Variants in PARVA observed in about 807,000 individuals in gnomAD.
PARVA encodes the protein alpha-parvin.
PARVA carries 25 observed loss-of-function variants against 52.6 expected under a neutral mutation model. The observed-to-expected ratio is 0.48, with a 90% CI of 0.35 to 0.66. The LOEUF (loss-of-function observed/expected upper bound fraction) is 0.66, where lower values mean the gene tolerates loss of function less well. Among genes scored for constraint, PARVA ranks in the 30% least tolerant of loss-of-function variants. PARVA has a pLI of 0.01. For missense variants in PARVA, 373 were observed against 450.9 expected (o/e 0.83, Z 1.56); for synonymous variants, 185 against 179.1 (o/e 1.03, Z -0.26).
intron 1 of PARVA, among the ~76,000 whole-genome samples, chr11:12,451,055 T>A (rs1940617459): frequency 6.6e-6 from 1 of 152,210 alleles, no homozygotes; most frequent in Admixed American, 6.5e-5. Flanking sequence ...TACTCTATGT[T>A]AACCATCACA....
At chr11:12,432,163 A>G (rs922851370) in intron 1 of PARVA, among the ~76,000 whole-genome samples, 1 of 152,072 alleles carries the variant, frequency 6.6e-6, no homozygotes, top group East Asian at 1.9e-4. Flanking sequence ...TTGAGTAGTG[A>G]CTCTTTTTTC....
At chr11:12,519,631 A>G (rs992263706) in intron 12 of PARVA, among the ~76,000 whole-genome samples, 2 of 152,184 alleles carry the variant, frequency 1.3e-5, no homozygotes, top group East Asian at 1.9e-4. Context: ...GCTTTGGTGT[A>G]TGGAGACTGG....
At chr11:12,407,676 C>T (rs546763530) in intron 1 of PARVA, among the ~76,000 whole-genome samples, 1 of 152,292 alleles carries the variant, frequency 6.6e-6, no homozygotes, top group Non-Finnish European at 1.5e-5. Context: ...ATCACCAGCA[C>T]AGAGGAAAGC....
chr11:12,502,933 A>T (rs1941381593), intron 5 of PARVA, among the ~76,000 whole-genome samples: 1 of 152,128 alleles, frequency 6.6e-6, no homozygotes, highest in Non-Finnish European at 1.5e-5. Flanking sequence ...ACCCTACCCA[A>T]GGCCATGTAG....
At chr11:12,442,721 A>C (rs1171207572) in intron 1 of PARVA, among the ~76,000 whole-genome samples, 1 of 152,064 alleles carries the variant, frequency 6.6e-6, no homozygotes, top group African/African-American at 2.4e-5. Flanking sequence ...CGAGGGGAAA[A>C]GAGCCTCCCC....
At chr11:12,511,556 C>T in intron 8 of PARVA, 23 bp downstream of exon 8, 1 of 1,612,626 alleles carries the variant, frequency 6.2e-7, no homozygotes, top group African/African-American at 1.3e-5. Context: ...AGATTGTCCT[C>T]TGGCACTGGT....
At chr11:12,406,830 C>T (rs1035817143) in intron 1 of PARVA, among the ~76,000 whole-genome samples, 2 of 151,988 alleles carry the variant, frequency 1.3e-5, no homozygotes, top group Non-Finnish European at 2.9e-5. Flanking sequence ...GCCACCATGC[C>T]CGGCTAATTG....
chr11:12,404,187 T>G (rs750645322), intron 1 of PARVA, among the ~76,000 whole-genome samples: 3 of 152,052 alleles, frequency 2.0e-5, no homozygotes, highest in African/African-American at 4.8e-5. Flanking sequence ...GTAGTCTATT[T>G]ATTCATTTTT....
intron 1 of PARVA, among the ~76,000 whole-genome samples, chr11:12,466,613 G>A (rs1257001725): frequency 6.6e-6 from 1 of 152,004 alleles, no homozygotes; most frequent in East Asian, 1.9e-4. Flanking sequence ...CTGTAGAGTA[G>A]AAGTATTAAT....
At chr11:12,436,292 T>A (rs572105871) in intron 1 of PARVA, among the ~76,000 whole-genome samples, 18 of 152,308 alleles carry the variant, frequency 1.2e-4, no homozygotes, top group Non-Finnish European at 2.4e-4. Context: ...CAAAAATTTT[T>A]TATTAACCTG....
intron 3 of PARVA, among the ~76,000 whole-genome samples, chr11:12,474,659 A>G (rs1419779279): frequency 2.0e-5 from 3 of 152,114 alleles, no homozygotes; most frequent in African/African-American, 7.2e-5. Flanking sequence ...GCGATGAAAC[A>G]TCATCTCTAC....
At chr11:12,410,674 G>C (rs965491894) in intron 1 of PARVA, among the ~76,000 whole-genome samples, 1 of 152,226 alleles carries the variant, frequency 6.6e-6, no homozygotes, top group Non-Finnish European at 1.5e-5. Context: ...GTAGCTGCCA[G>C]AATGTTCATT....
At chr11:12,447,224 T>G (rs777607342) in intron 1 of PARVA, among the ~76,000 whole-genome samples, 3 of 152,144 alleles carry the variant, frequency 2.0e-5, no homozygotes, top group Non-Finnish European at 4.4e-5. Context: ...TAATCTCTAG[T>G]GTATTTTTTT....
At chr11:12,474,604 G>A (rs758564910) in intron 3 of PARVA, among the ~76,000 whole-genome samples, 11 of 152,216 alleles carry the variant, frequency 7.2e-5, no homozygotes, top group East Asian at 3.9e-4. Context: ...AGGCCAAGGC[G>A]GGCGGATCAC....
At chr11:12,442,867 CTT>C (rs66540463) in intron 1 of PARVA, among the ~76,000 whole-genome samples, 47 of 145,202 alleles carry the variant, frequency 3.2e-4, no homozygotes, top group Admixed American at 3.4e-4. Flanking sequence ...ACTTGACTTC[CTT>C]TTTTTTTTTT....
chr11:12,404,805 C>T (rs558989157), intron 1 of PARVA, among the ~76,000 whole-genome samples: 1 of 152,174 alleles, frequency 6.6e-6, no homozygotes, highest in Non-Finnish European at 1.5e-5. Flanking sequence ...CCCTGGCCAT[C>T]GTTACATCCT....
intron 1 of PARVA, among the ~76,000 whole-genome samples, chr11:12,402,525 G>A (rs1164980319): frequency 6.6e-6 from 1 of 152,160 alleles, no homozygotes; most frequent in Non-Finnish European, 1.5e-5. Flanking sequence ...TACTATATGT[G>A]TAACTTTTGG....
intron 10 of PARVA, 124 bp from the exon 11 acceptor site, chr11:12,517,486 C>G (rs565363582): frequency 5.3e-5 from 38 of 720,816 alleles, no homozygotes; most frequent in East Asian, 2.7e-5. Context: ...CCCCTACCCC[C>G]GAGCTAGCAG....
At chr11:12,455,530 C>T (rs1187364493) in intron 1 of PARVA, among the ~76,000 whole-genome samples, 1 of 151,954 alleles carries the variant, frequency 6.6e-6, no homozygotes, top group Non-Finnish European at 1.5e-5. Flanking sequence ...TCAAATTTTT[C>T]TGTCCTTGGC....
Sources: gnomAD v4.1 joint callset for allele counts (sites outside exome capture counted in the v4.1 genomes callset) on GRCh38, gnomAD v4.1.1 for gene constraint, MANE v1.5 for transcripts, NCBI Gene and HGNC (gene_info 2026-07-23, HGNC 2026-07-21) for gene names.